SDK1: variants seen among roughly 807,000 people sequenced by gnomAD.
The protein encoded by SDK1 is protein sidekick-1.
A neutral mutation model predicts 245.5 loss-of-function variants in SDK1; 157 were observed. The ratio of observed to expected loss-of-function variants is 0.64; its 90% confidence interval spans 0.56 to 0.73. SDK1 has a LOEUF of 0.73. Ranked by LOEUF, SDK1 falls within the 30% of genes least tolerant of loss-of-function variation. The pLI, the probability that SDK1 is intolerant of heterozygous loss-of-function variation, is 0.00. For synonymous variants in SDK1, 1,647 were observed against 1,278.5 expected (o/e 1.29, Z -6.15); for missense variants, 3,583 against 3,002.3 (o/e 1.19, Z -4.52).
chr7:3,502,536 G>A (rs1020335016), intron 1 of SDK1, among the ~76,000 whole-genome samples: 10 of 152,196 alleles, frequency 6.6e-5, no homozygotes, highest in African/African-American at 2.4e-4. Context: ...GGCGTGAACC[G>A]CCATTCCCAG....
chr7:4,024,893 G>T (rs1156317293), intron 17 of SDK1, among the ~76,000 whole-genome samples: 2 of 132,108 alleles, frequency 1.5e-5, no homozygotes, highest in African/African-American at 6.8e-5. Context: ...GATTCCCACA[G>T]CCGCATTATG....
chr7:4,218,978 T>G, intron 38 of SDK1, among the ~76,000 whole-genome samples: 1 of 152,146 alleles, frequency 6.6e-6, no homozygotes, highest in East Asian at 1.9e-4. Flanking sequence ...TGTGTAATTT[T>G]CAATATTTAT....
At chr7:3,333,747 G>A (rs1297278924) in intron 1 of SDK1, among the ~76,000 whole-genome samples, 2 of 152,240 alleles carry the variant, frequency 1.3e-5, no homozygotes, top group African/African-American at 4.8e-5. Context: ...ATCGAGGACA[G>A]ACTCTAATTC....
rs1186411557 is a variant in SDK1 at position 3,974,515 on chromosome 7, A to G, written c.1964A>G (p.Asn655Ser). The G allele has an allele frequency of 6.2e-7, 1 of 1,614,142 alleles. No homozygotes were observed. Among genetic ancestry groups the G allele is most frequent in the East Asian group, 2.2e-5 (1 of 44,878 alleles). ...TGCGAGATTGTTTCTGAAGGAGGGA[A>G]TGACTCCAGGATGGCCCGGCTGGAA... ...YSCEIVSEGG[N>S]DSRMARLEVI... Residue 655 changes from asparagine to serine, a missense_variant, in exon 13 of 45, where the codon AAT becomes AGT. Coordinates refer to ENST00000404826, the MANE Select transcript of SDK1 (RefSeq NM_152744.4).
intron 1 of SDK1, among the ~76,000 whole-genome samples, chr7:3,479,975 G>A (rs896375866): frequency 6.6e-6 from 1 of 151,988 alleles, no homozygotes; most frequent in African/African-American, 2.4e-5. Context: ...ACTGTGATAG[G>A]CAGAATAATG....
At chr7:3,712,155 G>A (rs975426297) in intron 4 of SDK1, among the ~76,000 whole-genome samples, 12 of 152,160 alleles carry the variant, frequency 7.9e-5, no homozygotes, top group Non-Finnish European at 5.9e-5. Flanking sequence ...CGCAGGGTGG[G>A]CAAGTGAGCG....
intron 1 of SDK1, among the ~76,000 whole-genome samples, chr7:3,393,509 A>G (rs1468919048): frequency 1.3e-5 from 2 of 152,190 alleles, no homozygotes; most frequent in Non-Finnish European, 2.9e-5. Flanking sequence ...TGTTCATTGC[A>G]GCACAGTCAA....
At chr7:3,341,301 C>T (rs1366557455) in intron 1 of SDK1, among the ~76,000 whole-genome samples, 1 of 152,078 alleles carries the variant, frequency 6.6e-6, no homozygotes, top group Non-Finnish European at 1.5e-5. Context: ...CTGACAAAAT[C>T]CAACATTCAT....
intron 5 of SDK1, among the ~76,000 whole-genome samples, chr7:3,842,927 C>T (rs1780194304): frequency 6.6e-6 from 1 of 151,992 alleles, no homozygotes; most frequent in South Asian, 2.1e-4. Context: ...GAAAGGATTC[C>T]CAGAAGAACA....
At chr7:4,060,030 C>G (rs771554950) in intron 19 of SDK1, among the ~76,000 whole-genome samples, 8 of 152,018 alleles carry the variant, frequency 5.3e-5, no homozygotes, top group African/African-American at 1.9e-4. Context: ...CAGGCGCCCA[C>G]CACCACACCT....
intron 4 of SDK1, among the ~76,000 whole-genome samples, chr7:3,805,301 C>G (rs1320614427): frequency 6.6e-6 from 1 of 152,112 alleles, no homozygotes; most frequent in Non-Finnish European, 1.5e-5. Context: ...CTTGGTATTT[C>G]CTGTGTAGAC....
At chr7:3,481,545 C>T (rs1781522811) in intron 1 of SDK1, among the ~76,000 whole-genome samples, 1 of 152,192 alleles carries the variant, frequency 6.6e-6, no homozygotes, top group Non-Finnish European at 1.5e-5. Flanking sequence ...CAGTGAGAAA[C>T]GAGGGCAAAG....
intron 4 of SDK1, among the ~76,000 whole-genome samples, chr7:3,753,071 C>G (rs1273301464): frequency 6.6e-6 from 1 of 152,114 alleles, no homozygotes; most frequent in Non-Finnish European, 1.5e-5. Context: ...TTTCAATGTA[C>G]TGCCATCACA....
At chr7:3,682,323 A>G (rs1784125389) in intron 4 of SDK1, among the ~76,000 whole-genome samples, 1 of 152,202 alleles carries the variant, frequency 6.6e-6, no homozygotes, top group Non-Finnish European at 1.5e-5. Context: ...GTGCTTTTCA[A>G]CTATGCCACA....
rs985602476 is a variant in SDK1 at position 3,420,403 on chromosome 7, T to A, written c.298+118519T>A. Among the ~76,000 whole-genome samples, 4 of 152,226 alleles carry A rather than the reference T, an allele frequency of 2.6e-5. No individual in the cohort carries two copies. The South Asian group carries it at 8.3e-4, about 32-fold the overall frequency. The stretch of plus-strand genomic sequence containing the variant: ...TTTCTGTTCTTGGATTTTTCCTTTC[T>A]CACCAATTTTTCTTTCAGAGCAATA... On this transcript the variant is annotated intron_variant, in intron 1 of 44. Coordinates refer to ENST00000404826, the MANE Select transcript of SDK1 (RefSeq NM_152744.4).
At chr7:4,252,029 A>G (rs556168176) in intron 44 of SDK1, among the ~76,000 whole-genome samples, 34 of 152,324 alleles carry the variant, frequency 2.2e-4, no homozygotes, top group African/African-American at 7.5e-4. Flanking sequence ...CCTGCAATAA[A>G]TGCCCATTGT....
At chr7:4,148,351 C>G (rs1175460496) in intron 29 of SDK1, among the ~76,000 whole-genome samples, 1 of 152,264 alleles carries the variant, frequency 6.6e-6, no homozygotes, top group Non-Finnish European at 1.5e-5. Context: ...CGCCGCGGAA[C>G]TTCTCTGCTG....
intron 1 of SDK1, among the ~76,000 whole-genome samples, chr7:3,605,860 T>C (rs34703718): frequency 0.19 from 29,452 of 152,134 alleles, 3,292 homozygotes; most frequent in South Asian, 0.31. Flanking sequence ...TTTTGGTTCA[T>C]TTAATTTGTA....
chr7:3,420,810 A>C (rs1162772301), intron 1 of SDK1, among the ~76,000 whole-genome samples: 1 of 152,160 alleles, frequency 6.6e-6, no homozygotes, highest in Non-Finnish European at 1.5e-5. Flanking sequence ...CGTTACATAG[A>C]TAAACATGTA....
Sources: allele counts gnomAD v4.1 joint callset (sites outside exome capture counted in the v4.1 genomes callset), GRCh38; gene constraint gnomAD v4.1.1; transcripts MANE v1.5; gene names NCBI Gene and HGNC (gene_info 2026-07-23, HGNC 2026-07-21).